HELQ: variants seen among roughly 807,000 people sequenced by gnomAD.
The protein encoded by HELQ is helicase, POLQ like, also known as helicase POLQ-like.
A neutral mutation model predicts 111.6 loss-of-function variants in HELQ; 77 were observed. That is an observed-to-expected ratio of 0.69 (90% CI 0.57 to 0.83). The LOEUF (loss-of-function observed/expected upper bound fraction) is 0.83. HELQ is among the 40% of genes least tolerant of loss of function. The probability of loss-of-function intolerance (pLI) is 0.00; values close to 1 mark genes in which losing one functional copy is unlikely to be tolerated. For missense variants in HELQ, 1,200 were observed against 1,288.5 expected (o/e 0.93, Z 1.05); for synonymous variants, 438 against 454.7 (o/e 0.96, Z 0.47).
At position 83,429,697 on chromosome 4, in the gene HELQ, A is replaced by G; in HGVS notation, c.2345T>C (p.Phe782Ser). Reference sequence around the variant, plus strand: ...CAATAAAACCTTTTGCTGAACACCAAAAAATGTACCATTCATGAAATGATA... The same window carrying G: ...CAATAAAACCTTTTGCTGAACACCAGAAAATGTACCATTCATGAAATGATA... ...DIYHFMNGTF[F>S]GVQQKVLLKE... Residue 782 changes from phenylalanine (F) to serine (S), a missense_variant, in exon 12 of 18, where the codon TTT becomes TCT. Phe to Ser is a radical substitution (Grantham distance 155). Coordinates refer to ENST00000295488, the MANE Select transcript of HELQ (RefSeq NM_133636.5). The G allele has an allele frequency of 6.2e-7, 1 of 1,613,586 alleles. No homozygotes were observed. Among genetic ancestry groups the G allele is most frequent in the South Asian group, 1.1e-5 (1 of 91,048 alleles).
chr4:83,425,238 C>A (rs1205898685), intron 14 of HELQ, among the ~76,000 whole-genome samples: 1 of 147,326 alleles, frequency 6.8e-6, no homozygotes, highest in Non-Finnish European at 1.5e-5. Context: ...CAAGATCATG[C>A]CACTGCATTC....
At chr4:83,434,931 A>G (rs1720371537) in intron 9 of HELQ, among the ~76,000 whole-genome samples, 1 of 152,168 alleles carries the variant, frequency 6.6e-6, no homozygotes, top group Non-Finnish European at 1.5e-5. Flanking sequence ...AAAAAGAAAT[A>G]ACAGAAAAAA....
intron 7 of HELQ, among the ~76,000 whole-genome samples, chr4:83,440,833 A>G (rs1720720193): frequency 6.6e-6 from 1 of 152,234 alleles, no homozygotes; most frequent in South Asian, 2.1e-4. Flanking sequence ...TTAAATAGTG[A>G]GGTCCAAACA....
intron 13 of HELQ, 77 bp from the exon 14 acceptor site, chr4:83,426,169 A>T: frequency 1.3e-6 from 1 of 746,654 alleles, no homozygotes; most frequent in Non-Finnish European, 2.4e-6. Flanking sequence ...TTCTTTTGAT[A>T]TCACATTCTC....
In HELQ at chr4:83,453,218, C is replaced by A. The variant is rs374006544; in HGVS notation, c.1012+13G>T. The A allele has an allele frequency of 1.3e-6, 2 of 1,554,190 alleles. No homozygotes were observed. The highest frequency in any genetic ancestry group is 1.4e-5 in the African/African-American group (1 of 72,020). On this transcript the variant is annotated intron_variant, in intron 2 of 17. Transcript: ENST00000295488. ...TAGGAAAAAAATTTTTTTATTCCAGCAAAAAGCATTACCATATAATTTTTC... is the reference window on the plus strand; with the variant it reads ...TAGGAAAAAAATTTTTTTATTCCAGAAAAAAGCATTACCATATAATTTTTC...
chr4:83,452,334 C>T (rs1721430541), intron 2 of HELQ, among the ~76,000 whole-genome samples: 1 of 151,766 alleles, frequency 6.6e-6, no homozygotes, highest in Non-Finnish European at 1.5e-5. Context: ...CCAAAGTGGC[C>T]CAAGGAAGCC....
In HELQ at chr4:83,432,239, T is replaced by C. The variant is rs559204743; in HGVS notation, c.2077A>G (p.Lys693Glu). The change falls in exon 10 of 18, where the codon AAG becomes GAG. Residue 693 changes from lysine to glutamate, a missense_variant. Lys to Glu is a moderately conservative substitution (Grantham distance 56). This residue lies in a region of HELQ where 585 missense variants were observed against 665.3 expected (regional missense o/e 0.88). Transcript: ENST00000295488. ...RVILRAPYVA[K>E]EFLKRNQYKQ... is the part of the protein sequence containing the mutation. ...TATTGATTCCTCTTTAAAAATTCCTTAGCAACATAGGGAGCTCTTAAAATA... is the reference window on the plus strand; with the variant it reads ...TATTGATTCCTCTTTAAAAATTCCTCAGCAACATAGGGAGCTCTTAAAATA... 1.6e-4 allele frequency: 259 copies of C among 1,585,792 alleles called. 2 individuals carry two copies. The South Asian group carries it at 2.8e-3, about 17-fold the overall frequency.
intron 9 of HELQ, among the ~76,000 whole-genome samples, chr4:83,435,078 T>A (rs536161867): frequency 9.9e-5 from 15 of 152,202 alleles, no homozygotes; most frequent in Non-Finnish European, 1.8e-4. Flanking sequence ...TAAAACTCAT[T>A]TGTTGGAAAA....
chr4:83,414,057 T>C (rs1214298062), intron 17 of HELQ, among the ~76,000 whole-genome samples: 1 of 152,228 alleles, frequency 6.6e-6, no homozygotes, highest in Non-Finnish European at 1.5e-5. Context: ...TAGACTCTGT[T>C]ATGTAGCGTA....
At position 83,430,156 on chromosome 4, in the gene HELQ, T is replaced by TA. The variant is rs397880201; in HGVS notation, c.2296-411dup. Among the ~76,000 whole-genome samples the TA allele has an allele frequency of 6.6e-3, 909 of 136,932 alleles. 12 individuals are homozygous for TA. The highest frequency in any genetic ancestry group is 0.021 in the African/African-American group (777 of 37,430). 89.8% of individuals were successfully genotyped at this position (136,932 alleles called of 152,430 possible). Reference sequence around the variant, plus strand: ...CATCCTTTAGCTCTAAAAGTTGCATTAAAAAAAAAAAAAGGAAAATACAAC... The same window carrying TA: ...CATCCTTTAGCTCTAAAAGTTGCATTAAAAAAAAAAAAAAGGAAAATACAAC... On this transcript the variant is annotated intron_variant, in intron 11 of 17. Coordinates refer to ENST00000295488, the MANE Select transcript of HELQ (RefSeq NM_133636.5).
chr4:83,446,129 T>C (rs964531294), intron 4 of HELQ, 43 bp from the exon 5 acceptor site: 2 of 1,348,892 alleles, frequency 1.5e-6, no homozygotes, highest in Non-Finnish European at 2.1e-6. Flanking sequence ...TAAATCTTCA[T>C]ATAGTGCTCA....
At chr4:83,449,285 G>A (rs1007574565) in intron 2 of HELQ, among the ~76,000 whole-genome samples, 1 of 152,220 alleles carries the variant, frequency 6.6e-6, no homozygotes, top group African/African-American at 2.4e-5. Context: ...CAAAGGGACA[G>A]TACAAGGACC....
intron 15 of HELQ, among the ~76,000 whole-genome samples, chr4:83,419,003 A>G (rs1235261023): frequency 6.6e-6 from 1 of 152,192 alleles, no homozygotes; most frequent in African/African-American, 2.4e-5. Flanking sequence ...CTTAACTAAC[A>G]CAATTAATGT....
intron 9 of HELQ, among the ~76,000 whole-genome samples, chr4:83,434,190 G>A (rs1239398477): frequency 1.3e-5 from 2 of 151,418 alleles, no homozygotes; most frequent in Non-Finnish European, 2.9e-5. Flanking sequence ...GGCCAACATG[G>A]CGAAACCCCG....
intron 5 of HELQ, among the ~76,000 whole-genome samples, chr4:83,443,927 C>T (rs895351118): frequency 1.3e-5 from 2 of 152,042 alleles, no homozygotes; most frequent in African/African-American, 4.8e-5. Flanking sequence ...CGCCTGTAGT[C>T]CCAGCTACTT....
At chr4:83,417,088 C>A (rs1024583967) in intron 16 of HELQ, among the ~76,000 whole-genome samples, 2 of 152,120 alleles carry the variant, frequency 1.3e-5, no homozygotes, top group Admixed American at 6.6e-5. Flanking sequence ...CTTGAGTCAA[C>A]TGATGTGTGC....
At chr4:83,450,222 TAAAAAAAAAAAAAAAAAAAAA>T (rs71668650) in intron 2 of HELQ, among the ~76,000 whole-genome samples, 3 of 45,594 alleles carry the variant, frequency 6.6e-5, no homozygotes, top group East Asian at 1.1e-3. Flanking sequence ...CAGTTAAGTT[TAAAAAAAAAAAAAAAAAAAAA>T]AAAAAAAAAA....
In HELQ at chr4:83,432,257, T is replaced by A. The variant is rs1354328572; in HGVS notation, c.2059A>T (p.Arg687Ter). The part of the protein sequence containing the change: ...VNLPARRVIL[R>*]APYVAKEFLK... ...AATTCCTTAGCAACATAGGGAGCTCTTAAAATAACTCTGTGGAATTAATGA... is the reference window on the plus strand; with the variant it reads ...AATTCCTTAGCAACATAGGGAGCTCATAAAATAACTCTGTGGAATTAATGA... The change falls in exon 10 of 18, where the codon AGA (arginine) becomes TGA (stop). Residue 687 changes from arginine (R) to a stop codon, truncating the protein, a stop_gained. Transcript: ENST00000295488. LOFTEE classifies it high-confidence loss of function. The A allele has an allele frequency of 6.4e-7, 1 of 1,565,632 alleles. No homozygotes were observed. Among genetic ancestry groups the A allele is most frequent in the Non-Finnish European group, 8.6e-7 (1 of 1,156,760 alleles).
chr4:83,449,036 A>C, intron 2 of HELQ, 75 bp from the exon 3 acceptor site: 1 of 1,062,714 alleles, frequency 9.4e-7, no homozygotes, highest in Non-Finnish European at 1.4e-6. Context: ...TAAGAAAAAA[A>C]ATCAAATCCC....
Sources: allele counts gnomAD v4.1 joint callset (sites outside exome capture counted in the v4.1 genomes callset), GRCh38; gene constraint gnomAD v4.1.1; regional missense constraint gnomAD v4.1.1; transcripts MANE v1.5; gene names NCBI Gene and HGNC (gene_info 2026-07-23, HGNC 2026-07-21).